The following LY9 variants were observed in gnomAD, a reference collection of about 807,000 sequenced individuals.
LY9 encodes T-lymphocyte surface antigen Ly-9.
LY9 carries 59 observed loss-of-function variants against 64.6 expected under a neutral mutation model. That is an observed-to-expected ratio of 0.91 (90% confidence interval 0.74 to 1.13). The LOEUF (loss-of-function observed/expected upper bound fraction) is 1.13. LY9 is among the 50% of genes most tolerant of loss of function. The pLI is 0.00. For synonymous variants in LY9, 281 were observed against 308.5 expected (o/e 0.91, Z 0.93); for missense variants, 789 against 797.2 (o/e 0.99, Z 0.12).
intron 9 of LY9, among the ~76,000 whole-genome samples, chr1:160,827,246 C>T (rs1421326105): frequency 2.0e-5 from 3 of 152,178 alleles, no homozygotes; most frequent in South Asian, 2.1e-4. Context: ...ACCCAACCTC[C>T]CGCTCCTCTG....
intron 9 of LY9, among the ~76,000 whole-genome samples, chr1:160,826,544 C>T (rs1668863015): frequency 6.6e-6 from 1 of 152,142 alleles, no homozygotes; most frequent in African/African-American, 2.4e-5. Flanking sequence ...CAACCTCCTG[C>T]GTAAATGGGT....
At chr1:160,803,855 A>G (rs974841254) in intron 2 of LY9, among the ~76,000 whole-genome samples, 7 of 152,304 alleles carry the variant, frequency 4.6e-5, no homozygotes, top group Admixed American at 1.3e-4. Flanking sequence ...AAAAAAATAC[A>G]AAAATTAGCT....
chr1:160,814,831 C>T (rs771057683), intron 4 of LY9, 70 bp downstream of exon 4: 16 of 1,281,622 alleles, frequency 1.2e-5, no homozygotes, highest in East Asian at 5.0e-5. Flanking sequence ...CTGCCTTCTC[C>T]ACCTTCCGCT....
At position 160,819,316 on chromosome 1, in the gene LY9, C is replaced by T; in HGVS notation, c.1445-5C>T. On this transcript the variant is annotated splice_region_variant and splice_polypyrimidine_tract_variant and intron_variant, in intron 6 of 9. Coordinates refer to ENST00000263285, the MANE Select transcript of LY9 (RefSeq NM_002348.4). ...TGATAAACCTTCTCTAACTTTGTTT[C>T]TCAGGTTCAGTCCCAGCCTTCTGTT... is the stretch of plus-strand genomic sequence containing the variant. 6.2e-7 allele frequency: 1 copy of T among 1,612,884 alleles called. No individual in the cohort carries two copies. The highest frequency in any genetic ancestry group is 2.2e-5 in the East Asian group (1 of 44,864).
intron 9 of LY9, among the ~76,000 whole-genome samples, chr1:160,827,460 C>G (rs566527357): frequency 6.6e-6 from 1 of 152,316 alleles, no homozygotes; most frequent in African/African-American, 2.4e-5. Context: ...TTGACAGTAG[C>G]TTCGTGAGGG....
chr1:160,819,518 C>T (rs522897), intron 7 of LY9, 144 bp downstream of exon 7: 396,168 of 672,560 alleles, frequency 0.59, 120,629 homozygotes, highest in South Asian at 0.75. Flanking sequence ...GACCAGGTGC[C>T]GTGGCTCACA....
chr1:160,823,410 C>G (rs1649137033), intron 7 of LY9, 55 bp from the exon 8 acceptor site: 1 of 1,398,260 alleles, frequency 7.2e-7, no homozygotes, highest in Admixed American at 1.9e-5. Flanking sequence ...TGCAGCAAAG[C>G]AAGAAGAGAG....
rs531902607 is a variant in LY9 at position 160,813,464 on chromosome 1, G to C, written c.455-172G>C. On this transcript the variant is annotated intron_variant, in intron 2 of 9. Transcript: ENST00000263285. ...GATAACACCTGTAGCGGATGTTATG[G>C]GAGTACAGAGGAGAGGCTGTCAACC... The C allele has an allele frequency of 4.9e-6, 3 of 615,246 alleles. No individual in the cohort carries two copies. The African/African-American group carries it at 5.5e-5, about 11-fold the overall frequency. The allele number at this position is 615,246 out of a possible 1,614,324, so 38.1% of individuals were successfully genotyped here.
intron 4 of LY9, among the ~76,000 whole-genome samples, chr1:160,815,651 G>A (rs957623690): frequency 2.0e-5 from 3 of 152,206 alleles, no homozygotes; most frequent in African/African-American, 7.2e-5. Flanking sequence ...CTCCCAAAGT[G>A]CTGGGATTAC....
intron 2 of LY9, 111 bp downstream of exon 2, chr1:160,800,193 CAG>C: frequency 1.4e-6 from 1 of 739,688 alleles, no homozygotes; most frequent in Non-Finnish European, 2.2e-6. Flanking sequence ...CTGATCAAGT[CAG>C]AGTTTTCAGT....
intron 4 of LY9, 138 bp from the exon 5 acceptor site, chr1:160,816,456 A>T (rs1667952126): frequency 3.1e-6 from 3 of 955,232 alleles, no homozygotes; most frequent in Non-Finnish European, 4.6e-6. Context: ...GTATACTCCA[A>T]AATTCCTGTG....
rs1442190436 is a variant in LY9 at position 160,819,335 on chromosome 1, T to G, written c.1459T>G (p.Phe487Val). ...TTGTTTCTCAGGTTCAGTCCCAGCC[T>G]TCTGTTCCAGCCAAGCTGAGGCCCC... is the stretch of plus-strand genomic sequence containing the variant. Reference protein sequence around the residue: ...KRKGRCSVPAFCSSQAEAPAD... With the variant: ...KRKGRCSVPAVCSSQAEAPAD... Residue 487 changes from phenylalanine to valine, a missense_variant, in exon 7 of 10, where the codon TTC becomes GTC. Coordinates refer to ENST00000263285, the MANE Select transcript of LY9 (RefSeq NM_002348.4). The G allele has an allele frequency of 2.5e-6, 4 of 1,613,670 alleles. No individual in the cohort carries two copies. Among genetic ancestry groups the G allele is most frequent in the African/African-American group, 1.3e-5 (1 of 75,032 alleles).
chr1:160,798,443 A>C (rs1413583620), intron 1 of LY9, among the ~76,000 whole-genome samples: 1 of 152,244 alleles, frequency 6.6e-6, no homozygotes. Flanking sequence ...GATAATTTAC[A>C]TAAAGTACCT....
chr1:160,801,903 G>A lies in LY9; in HGVS notation c.454+1821G>A, dbSNP rs775837935. ...CACCCTGGCTGAGCCACGTGTGAGC[G>A]TGCGGGAGGGCTAGGCCCTCGCCCC... On this transcript the variant is annotated intron_variant, in intron 2 of 9. Coordinates refer to ENST00000263285, the MANE Select transcript of LY9 (RefSeq NM_002348.4). The A allele has an allele frequency of 9.9e-6, 16 of 1,613,518 alleles. No individual in the cohort carries two copies. The African/African-American group carries it at 1.6e-4, about 16-fold the overall frequency.
chr1:160,805,919 C>CTTTTTTT (rs60244350), intron 2 of LY9, among the ~76,000 whole-genome samples: 147 of 72,292 alleles, frequency 2.0e-3, no homozygotes, highest in African/African-American at 3.8e-3. Flanking sequence ...CATTCTTTGT[C>CTTTTTTT]TTTTTTTTTT....
At chr1:160,814,983 G>T in intron 4 of LY9, 1 of 566,870 alleles carries the variant, frequency 1.8e-6, no homozygotes. Flanking sequence ...GCTCTAGGCT[G>T]CCAGTTAGGC....
intron 7 of LY9, among the ~76,000 whole-genome samples, chr1:160,820,159 G>A (rs1668300019): frequency 6.6e-6 from 1 of 152,150 alleles, no homozygotes; most frequent in Non-Finnish European, 1.5e-5. Flanking sequence ...AGGCCAGATG[G>A]AACAGTACAT....
At chr1:160,824,114 G>C (rs878976196) in intron 8 of LY9, 67 bp from the exon 9 acceptor site, 17 of 1,590,866 alleles carry the variant, frequency 1.1e-5, no homozygotes, top group African/African-American at 1.3e-5. Flanking sequence ...TCTCCTCAAG[G>C]GTTGAGGGTA....
chr1:160,813,741 T>G lies in LY9; in HGVS notation c.560T>G (p.Val187Gly). 1 of 1,614,178 alleles carries G rather than the reference T, an allele frequency of 6.2e-7. No homozygotes were observed. Among genetic ancestry groups the G allele is most frequent in the South Asian group, 1.1e-5 (1 of 91,084 alleles). Residue 187 changes from valine to glycine, a missense_variant, in exon 3 of 10, where the codon GTT (valine) becomes GGT (glycine). Transcript: ENST00000263285. ...MCSVKGAEKS[V>G]LYSWTPREPH... ...TCCGTGAAGGGGGCAGAGAAAAGTG[T>G]TCTGTACAGCTGGACCCCAAGGGAA...
Sources: allele counts gnomAD v4.1 joint callset (sites outside exome capture counted in the v4.1 genomes callset), GRCh38; gene constraint gnomAD v4.1.1; transcripts MANE v1.5; gene names NCBI Gene and HGNC (gene_info 2026-07-23, HGNC 2026-07-21).